ERAP1: variants seen among roughly 807,000 people sequenced by gnomAD.
ERAP1 encodes the protein endoplasmic reticulum aminopeptidase 1.
Under a neutral mutation model 103.7 loss-of-function variants are expected in ERAP1, and 86 were observed. The observed-to-expected ratio is 0.83, with a 90% confidence interval of 0.70 to 0.99. The LOEUF (loss-of-function observed/expected upper bound fraction) is 0.99, where lower values mean the gene tolerates loss of function less well. Among genes scored for constraint, ERAP1 ranks in the 50% least tolerant of loss-of-function variants. ERAP1 has a pLI of 0.00. For synonymous variants in ERAP1, 398 were observed against 402.4 expected (o/e 0.99, Z 0.13); for missense variants, 1,009 against 1,128.4 (o/e 0.89, Z 1.52).
At chr5:96,910,068 C>T in the ERAP1 span, 12 of 218,408 alleles carry the variant, frequency 5.5e-5, no homozygotes, top group African/African-American at 2.2e-4. Flanking sequence ...AGTTCAAGAC[C>T]AGCCTGGCCA....
chr5:96,799,275 C>T lies in ERAP1; in HGVS notation c.663+1587G>A, dbSNP rs138104576. 1.1e-3 allele frequency among the ~76,000 whole-genome samples: 171 copies of T among 152,160 alleles called. 1 individual carries two copies. The highest frequency in any genetic ancestry group is 3.9e-3 in the African/African-American group (163 of 41,512). ...CCCCATGCCCAAAAGCTTCAATGTT[C>T]CAATGGTATATATTGTGTTTTTCTG... On this transcript the variant is annotated intron_variant, in intron 3 of 18. Transcript: ENST00000443439.
At chr5:96,807,517 C>G (rs1778769592) in intron 1 of ERAP1, among the ~76,000 whole-genome samples, 1 of 152,290 alleles carries the variant, frequency 6.6e-6, no homozygotes, top group South Asian at 2.1e-4. Context: ...GCCGGCCGAA[C>G]AGCGGGGAGA....
chr5:96,913,326 A>T, the ERAP1 span: 1 of 1,613,918 alleles, frequency 6.2e-7, no homozygotes, highest in South Asian at 1.1e-5. Flanking sequence ...GGTTAATTGA[A>T]CTAGGAATGG....
the ERAP1 span, chr5:96,896,403 G>C: frequency 6.2e-7 from 1 of 1,611,586 alleles, no homozygotes; most frequent in Non-Finnish European, 8.5e-7. Flanking sequence ...GTGTTTTGAA[G>C]TAATTACAAA....
chr5:96,872,850 C>CTTAA, the ERAP1 span, among the ~76,000 whole-genome samples: 3 of 152,182 alleles, frequency 2.0e-5, no homozygotes, highest in African/African-American at 7.2e-5. Context: ...AGATTTAAAT[C>CTTAA]TGTTGAGAAC....
chr5:96,813,453 G>C, the ERAP1 span, among the ~76,000 whole-genome samples: 1 of 151,994 alleles, frequency 6.6e-6, no homozygotes, highest in African/African-American at 2.4e-5. Flanking sequence ...AGGAGATCGA[G>C]ACCGTCCTGG....
the ERAP1 span, among the ~76,000 whole-genome samples, chr5:96,875,377 A>T: frequency 5.9e-4 from 89 of 152,110 alleles, no homozygotes; most frequent in South Asian, 0.016. Flanking sequence ...TATAAAAAAA[A>T]AATAATAAAT....
At chr5:96,793,199 C>A (rs1776930608) in intron 7 of ERAP1, among the ~76,000 whole-genome samples, 2 of 152,214 alleles carry the variant, frequency 1.3e-5, no homozygotes, top group African/African-American at 4.8e-5. Flanking sequence ...AGATTCACAA[C>A]TGAGTTTGTA....
At chr5:96,843,117 T>C in the ERAP1 span, among the ~76,000 whole-genome samples, 1 of 152,116 alleles carries the variant, frequency 6.6e-6, no homozygotes, top group African/African-American at 2.4e-5. Context: ...AAGGAAACAA[T>C]GAAGCAACAA....
At chr5:96,762,557 A>G (rs576268137) in exon 20 of ERAP1, 4 of 500,436 alleles carry the variant, frequency 8.0e-6, no homozygotes, top group Middle Eastern at 3.2e-4. Flanking sequence ...TGAAATGATT[A>G]AATGAAACTA....
the ERAP1 span, among the ~76,000 whole-genome samples, chr5:96,897,037 G>A: frequency 3.4e-5 from 2 of 59,510 alleles, no homozygotes; most frequent in Non-Finnish European, 7.7e-5. Context: ...ACCACACTAG[G>A]ATGTCACGCT....
the ERAP1 span, among the ~76,000 whole-genome samples, chr5:96,838,043 G>A: frequency 1.3e-5 from 2 of 151,964 alleles, no homozygotes; most frequent in South Asian, 4.2e-4. Context: ...GGCTTTAATG[G>A]GCACAGGGAT....
the ERAP1 span, among the ~76,000 whole-genome samples, chr5:96,822,567 G>C: frequency 6.6e-6 from 1 of 152,186 alleles, no homozygotes; most frequent in Admixed American, 6.5e-5. Flanking sequence ...ACTAAGGGAT[G>C]CCGAGGTAGC....
At chr5:96,766,612 G>T (rs554655284) in intron 19 of ERAP1, among the ~76,000 whole-genome samples, 4 of 152,270 alleles carry the variant, frequency 2.6e-5, no homozygotes, top group African/African-American at 4.8e-5. Context: ...GTGAAGACAG[G>T]CAAAGCAATA....
chr5:96,788,428 A>G (rs1358382899), intron 11 of ERAP1, 103 bp downstream of exon 11: 37 of 1,386,342 alleles, frequency 2.7e-5, no homozygotes, highest in Non-Finnish European at 3.6e-5. Flanking sequence ...CAGCTGAAAT[A>G]TTTTAGCAAT....
In ERAP1 at chr5:96,781,166, AT is replaced by A. The variant is rs1450010159; in HGVS notation, c.2479del (p.Ile827Ter). On this transcript the variant is annotated frameshift_variant, in exon 17 of 19. Transcript: ENST00000443439. LOFTEE classifies it high-confidence loss of function. Reference sequence around the variant, plus strand: ...AATTTGTGGAAACTCCTGAGTTTTTATTTTATCTCCCTTAAAGCTTTCATCT... The same window carrying A: ...AATTTGTGGAAACTCCTGAGTTTTTATTTATCTCCCTTAAAGCTTTCATCT... Reference protein sequence around the residue: ...LLDESFKGDKIKTQEFPQILT... With the variant: ...LLDESFKGDKXKTQEFPQILT... The A allele has an allele frequency of 6.2e-7, 1 of 1,612,970 alleles. No individual in the cohort carries two copies. The highest frequency in any genetic ancestry group is 8.5e-7 in the Non-Finnish European group (1 of 1,179,764).
At chr5:96,766,926 T>G (rs770912888) in intron 19 of ERAP1, among the ~76,000 whole-genome samples, 1 of 152,204 alleles carries the variant, frequency 6.6e-6, no homozygotes, top group Non-Finnish European at 1.5e-5. Context: ...CCAATTCTCC[T>G]TGCTTGCATT....
intron 19 of ERAP1, among the ~76,000 whole-genome samples, chr5:96,766,962 A>G (rs1286259611): frequency 6.6e-6 from 1 of 152,148 alleles, no homozygotes; most frequent in Non-Finnish European, 1.5e-5. Flanking sequence ...TAGCAATTCC[A>G]CATCCTGCTA....
the ERAP1 span, among the ~76,000 whole-genome samples, chr5:96,847,764 C>T: frequency 8.9e-4 from 136 of 152,232 alleles, no homozygotes; most frequent in Non-Finnish European, 1.3e-3. Context: ...GAAAAGATAT[C>T]TTAAGATAAG....
Sources: allele counts gnomAD v4.1 joint callset (sites outside exome capture counted in the v4.1 genomes callset), GRCh38; gene constraint gnomAD v4.1.1; transcripts MANE v1.5; gene names NCBI Gene and HGNC (gene_info 2026-07-23, HGNC 2026-07-21).